The following IPPK variants were observed in gnomAD, a reference collection of about 807,000 sequenced individuals.
IPPK encodes IPK1 homolog.
IPPK carries 22 observed loss-of-function variants against 64.6 expected under a neutral mutation model. That is an observed-to-expected ratio of 0.34 (90% CI 0.24 to 0.49). IPPK has a LOEUF of 0.49. Ranked by LOEUF, IPPK falls within the 20% of genes least tolerant of loss-of-function variation. The pLI, the probability that IPPK is intolerant of heterozygous loss-of-function variation, is 0.99. For missense variants in IPPK, 532 were observed against 630.7 expected (o/e 0.84, Z 1.68); for synonymous variants, 262 against 247.2 (o/e 1.06, Z -0.56).
At chr9:92,624,077 C>CAG (rs1381694484) in intron 11 of IPPK, among the ~76,000 whole-genome samples, 1 of 152,226 alleles carries the variant, frequency 6.6e-6, no homozygotes, top group Non-Finnish European at 1.5e-5. Flanking sequence ...TGGCTCACGC[C>CAG]TGTAATCCCA....
At chr9:92,642,370 T>C (rs746574092) in intron 7 of IPPK, among the ~76,000 whole-genome samples, 4 of 152,260 alleles carry the variant, frequency 2.6e-5, no homozygotes, top group Non-Finnish European at 4.4e-5. Context: ...AAATAGCCAC[T>C]GCAGCAGCAG....
intron 1 of IPPK, 65 bp downstream of exon 1, chr9:92,669,843 G>A (rs1852689897): frequency 1.6e-6 from 2 of 1,216,032 alleles, no homozygotes; most frequent in Admixed American, 1.7e-5. Flanking sequence ...AACGGATAAT[G>A]GGGGCGGGGT....
chr9:92,664,365 C>A (rs1019235955), intron 1 of IPPK, among the ~76,000 whole-genome samples: 2 of 152,254 alleles, frequency 1.3e-5, no homozygotes, highest in African/African-American at 4.8e-5. Context: ...GCCCAGTACT[C>A]TGCAGGCAAG....
chr9:92,653,998 G>A (rs1177826079), intron 3 of IPPK, among the ~76,000 whole-genome samples: 1 of 152,138 alleles, frequency 6.6e-6, no homozygotes, highest in Non-Finnish European at 1.5e-5. Context: ...AACCACACAA[G>A]GCCGTCACTC....
chr9:92,634,258 T>C, intron 11 of IPPK, 128 bp downstream of exon 11: 8 of 646,184 alleles, frequency 1.2e-5, no homozygotes, highest in Non-Finnish European at 1.9e-5. Context: ...CCACTTCTTT[T>C]TGATCCCAAG....
At chr9:92,631,222 C>G (rs550450554) in intron 11 of IPPK, among the ~76,000 whole-genome samples, 60 of 136,674 alleles carry the variant, frequency 4.4e-4, no homozygotes, top group African/African-American at 1.5e-3. Flanking sequence ...TTGAGATGGA[C>G]TCTCGCTCTG....
chr9:92,613,356 T>G lies in IPPK; in HGVS notation c.*2476A>C. 1.8e-6 allele frequency: 1 copy of G among 541,772 alleles called. No homozygotes were observed. Among genetic ancestry groups the G allele is most frequent in the South Asian group, 2.1e-5 (1 of 46,622 alleles). 33.6% of individuals were successfully genotyped at this position (541,772 alleles called of 1,614,324 possible). ...TAAAATGCCAAATAAAAGTGACACG[T>G]ACAATGTGGTTTATAAAAATAAGCT... On this transcript the variant is annotated 3_prime_UTR_variant, in exon 13 of 13. Coordinates refer to ENST00000287996, the MANE Select transcript of IPPK (RefSeq NM_022755.6).
intron 3 of IPPK, among the ~76,000 whole-genome samples, chr9:92,655,355 C>G (rs952079587): frequency 6.6e-6 from 1 of 152,180 alleles, no homozygotes; most frequent in Non-Finnish European, 1.5e-5. Context: ...TACTGGGACA[C>G]GCTCACCTGC....
chr9:92,619,266 C>T, intron 12 of IPPK: 1 of 536,010 alleles, frequency 1.9e-6, no homozygotes, highest in Non-Finnish European at 3.4e-6. Flanking sequence ...ACTAACAATC[C>T]TTTTAAGTTA....
chr9:92,647,340 A>T (rs1316855838), intron 6 of IPPK, among the ~76,000 whole-genome samples: 1 of 152,226 alleles, frequency 6.6e-6, no homozygotes, highest in East Asian at 1.9e-4. Flanking sequence ...AAACATTTCA[A>T]GAAGAATCAA....
At chr9:92,659,250 C>T (rs1406359790) in intron 1 of IPPK, among the ~76,000 whole-genome samples, 1 of 152,172 alleles carries the variant, frequency 6.6e-6, no homozygotes, top group East Asian at 1.9e-4. Flanking sequence ...TGAATAGTTG[C>T]TAAGGAAGGT....
At chr9:92,636,028 A>G (rs1488912287) in intron 9 of IPPK, among the ~76,000 whole-genome samples, 1 of 152,082 alleles carries the variant, frequency 6.6e-6, no homozygotes, top group Admixed American at 6.5e-5. Context: ...GGCAGAAACA[A>G]AACTCCACTT....
chr9:92,660,592 T>C (rs1467366116), intron 1 of IPPK, among the ~76,000 whole-genome samples: 1 of 152,184 alleles, frequency 6.6e-6, no homozygotes, highest in Non-Finnish European at 1.5e-5. Flanking sequence ...ACACATGAGC[T>C]TTCTCTCCAC....
At chr9:92,652,453 A>AG in intron 4 of IPPK, 120 bp downstream of exon 4, 1 of 438,924 alleles carries the variant, frequency 2.3e-6, no homozygotes. Context: ...CGTCTCAAAA[A>AG]AAAAAAAAAA....
intron 3 of IPPK, 121 bp from the exon 4 acceptor site, chr9:92,652,760 T>C (rs1852294254): frequency 4.2e-6 from 2 of 481,320 alleles, no homozygotes; most frequent in East Asian, 3.1e-5. Context: ...TAATTTATAA[T>C]ATTTTTTAAA....
At chr9:92,620,670 C>T (rs553263108) in intron 11 of IPPK, 5 of 152,312 alleles carry the variant, frequency 3.3e-5, no homozygotes, top group African/African-American at 1.2e-4. Flanking sequence ...CTGCACTTTC[C>T]AAAGGGCAGG....
intron 7 of IPPK, among the ~76,000 whole-genome samples, chr9:92,642,070 C>T (rs1347416785): frequency 6.6e-6 from 1 of 152,238 alleles, no homozygotes; most frequent in Non-Finnish European, 1.5e-5. Flanking sequence ...CCTCTCTCCA[C>T]CTGCTCCCAC....
rs931936340 is a variant in IPPK, at chr9:92,634,610, A to T, written c.1068-122T>A. The T allele has an allele frequency of 4.3e-6, 3 of 693,510 alleles. No homozygotes were observed. In the East Asian group the frequency reaches 8.0e-5, roughly 18 times the overall value. The allele number at this position is 693,510 out of a possible 1,614,324, so 43.0% of individuals were successfully genotyped here. A position where few individuals can be genotyped will look rare whatever the true frequency, so the allele number is the denominator to read the frequency against. On this transcript the variant is annotated intron_variant, in intron 10 of 12. Coordinates refer to ENST00000287996, the MANE Select transcript of IPPK (RefSeq NM_022755.6). Reference sequence around the variant, plus strand: ...TCACACATTTTGTTTTGAAAAACACATAACAGATCTATCTCCCTCATGTTA... The same window carrying T: ...TCACACATTTTGTTTTGAAAAACACTTAACAGATCTATCTCCCTCATGTTA...
At chr9:92,616,265 A>T in intron 12 of IPPK, 1 of 520,994 alleles carries the variant, frequency 1.9e-6, no homozygotes, top group Non-Finnish European at 3.5e-6. Flanking sequence ...TGCACCTGTG[A>T]TCTGTGCGTG....
Sources: gnomAD v4.1 joint callset for allele counts (sites outside exome capture counted in the v4.1 genomes callset) on GRCh38, gnomAD v4.1.1 for gene constraint, MANE v1.5 for transcripts, NCBI Gene and HGNC (gene_info 2026-07-23, HGNC 2026-07-21) for gene names.